The following MICU1 variants were observed in gnomAD, a reference collection of about 807,000 sequenced individuals.
MICU1 encodes the protein calcium uptake protein 1, mitochondrial.
A neutral mutation model predicts 56.8 loss-of-function variants in MICU1; 45 were observed. The ratio of observed to expected loss-of-function variants is 0.79; its 90% CI spans 0.62 to 1.02. The LOEUF is 1.02. MICU1 is among the 50% of genes least tolerant of loss of function. The pLI is 0.00. For missense variants in MICU1, 504 were observed against 587.1 expected (o/e 0.86, Z 1.46); for synonymous variants, 186 against 195.1 (o/e 0.95, Z 0.39).
chr10:72,391,068 G>A (rs1314616867), intron 10 of MICU1, among the ~76,000 whole-genome samples: 1 of 152,262 alleles, frequency 6.6e-6, no homozygotes, highest in Non-Finnish European at 1.5e-5. Flanking sequence ...ACAACCCTAT[G>A]AGGTGGGTCC....
intron 8 of MICU1, among the ~76,000 whole-genome samples, chr10:72,463,107 A>G (rs1346104086): frequency 6.6e-6 from 1 of 151,066 alleles, no homozygotes; most frequent in Non-Finnish European, 1.5e-5. Flanking sequence ...GCTCTTGCCC[A>G]GGCTGGAGTG....
intron 8 of MICU1, among the ~76,000 whole-genome samples, chr10:72,461,180 C>T (rs1865628786): frequency 6.6e-6 from 1 of 152,108 alleles, no homozygotes; most frequent in Non-Finnish European, 1.5e-5. Context: ...GTCTCTTTAC[C>T]AGCATCAGAA....
intron 1 of MICU1, among the ~76,000 whole-genome samples, chr10:72,611,299 T>C (rs1841841257): frequency 6.9e-6 from 1 of 144,560 alleles, no homozygotes; most frequent in Non-Finnish European, 1.5e-5. Context: ...CGAGACTCCC[T>C]TTAAAAAAAA....
At chr10:72,411,420 C>T (rs903111547) in intron 9 of MICU1, among the ~76,000 whole-genome samples, 3 of 151,884 alleles carry the variant, frequency 2.0e-5, no homozygotes, top group East Asian at 1.9e-4. Flanking sequence ...TTCCGCCTCC[C>T]GGGTTCACGC....
At position 72,484,611 on chromosome 10, in the gene MICU1, C is replaced by G. The variant is rs151230179; in HGVS notation, c.653-7355G>C. On this transcript the variant is annotated intron_variant, in intron 6 of 11. Transcript: ENST00000361114. ...GGTGCAGTGGCTCATGCCTGCAATC[C>G]TAGCACTTTGGGAGGCTGAGGTAAG... is the stretch of plus-strand genomic sequence containing the variant. Among the ~76,000 whole-genome samples, 418 of 152,224 alleles carry G rather than the reference C, an allele frequency of 2.7e-3. 1 individual carries two copies. The highest frequency in any genetic ancestry group is 9.6e-3 in the African/African-American group (399 of 41,546).
At chr10:72,606,610 T>TAC (rs1841699358) in intron 1 of MICU1, among the ~76,000 whole-genome samples, 1 of 151,932 alleles carries the variant, frequency 6.6e-6, no homozygotes, top group African/African-American at 2.4e-5. Flanking sequence ...TATATATATA[T>TAC]ATATGTTGGT....
At chr10:72,564,407 G>A (rs970086711) in intron 2 of MICU1, among the ~76,000 whole-genome samples, 5 of 152,090 alleles carry the variant, frequency 3.3e-5, no homozygotes, top group African/African-American at 7.2e-5. Context: ...CGGGTGTGGT[G>A]GTGCTTGCCT....
chr10:72,607,995 G>A (rs1267550198), intron 1 of MICU1, among the ~76,000 whole-genome samples: 1 of 152,158 alleles, frequency 6.6e-6, no homozygotes, highest in Non-Finnish European at 1.5e-5. Flanking sequence ...TGCGTGTTAT[G>A]AGTGAGAGTA....
At chr10:72,397,129 A>G (rs1863294187) in intron 10 of MICU1, among the ~76,000 whole-genome samples, 1 of 152,222 alleles carries the variant, frequency 6.6e-6, no homozygotes, top group Non-Finnish European at 1.5e-5. Context: ...GCCAATATTC[A>G]ACATTCTTAA....
chr10:72,535,006 T>TTTATTTTA (rs879632875), intron 4 of MICU1, among the ~76,000 whole-genome samples: 12 of 87,338 alleles, frequency 1.4e-4, no homozygotes, highest in African/African-American at 4.0e-4. Context: ...TCCCTCTATT[T>TTTATTTTA]TTTATTTTAT....
chr10:72,426,353 G>T (rs1864348257), intron 8 of MICU1, among the ~76,000 whole-genome samples: 1 of 150,576 alleles, frequency 6.6e-6, no homozygotes, highest in Non-Finnish European at 1.5e-5. Flanking sequence ...CCAACACGTT[G>T]CTCAAAGATC....
chr10:72,442,652 T>G (rs887409946), intron 8 of MICU1, among the ~76,000 whole-genome samples: 1 of 152,240 alleles, frequency 6.6e-6, no homozygotes, highest in Non-Finnish European at 1.5e-5. Context: ...TTTGTACAAA[T>G]GCCCTACTTA....
chr10:72,601,792 TTTTC>T (rs1052570116), intron 1 of MICU1, among the ~76,000 whole-genome samples: 1,125 of 30,178 alleles, frequency 0.037, 18 homozygotes, highest in African/African-American at 0.13. Context: ...AAATTTCTTT[TTTTC>T]TTTTTCTTTT....
intron 4 of MICU1, among the ~76,000 whole-genome samples, chr10:72,537,936 T>C (rs765165027): frequency 2.0e-5 from 3 of 152,120 alleles, no homozygotes; most frequent in Non-Finnish European, 4.4e-5. Flanking sequence ...ATCTACAAAT[T>C]AGAATAATAA....
At chr10:72,532,924 G>T in intron 5 of MICU1, 11 of 1,197,922 alleles carry the variant, frequency 9.2e-6, no homozygotes, top group Non-Finnish European at 1.2e-5. Flanking sequence ...GCAGGAATTG[G>T]CACATTTCTG....
At chr10:72,453,411 G>GA (rs1323279812) in intron 8 of MICU1, among the ~76,000 whole-genome samples, 2 of 152,072 alleles carry the variant, frequency 1.3e-5, no homozygotes, top group Admixed American at 1.3e-4. Flanking sequence ...TCCAGGTGGA[G>GA]AAAAAAAGAC....
intron 7 of MICU1, 37 bp from the exon 8 acceptor site, chr10:72,475,334 A>G: frequency 6.6e-7 from 1 of 1,508,884 alleles, no homozygotes; most frequent in Non-Finnish European, 9.0e-7. Flanking sequence ...GAAAAATATT[A>G]GGAAGTGAGA....
chr10:72,426,042 T>A (rs201358325), intron 8 of MICU1, among the ~76,000 whole-genome samples: 6,768 of 152,200 alleles, frequency 0.044, 401 homozygotes, highest in East Asian at 0.19. Context: ...TTGAGCAACT[T>A]TTTTTGTTGT....
At chr10:72,425,900 T>C (rs989461323) in intron 8 of MICU1, among the ~76,000 whole-genome samples, 1 of 152,172 alleles carries the variant, frequency 6.6e-6, no homozygotes, top group Non-Finnish European at 1.5e-5. Context: ...AGGACCTTCA[T>C]TCGGGTTAAA....
Sources: allele counts gnomAD v4.1 joint callset (sites outside exome capture counted in the v4.1 genomes callset), GRCh38; gene constraint gnomAD v4.1.1; transcripts MANE v1.5; gene names NCBI Gene and HGNC (gene_info 2026-07-23, HGNC 2026-07-21).